The following GABRG2 variants were observed in gnomAD, a reference collection of about 807,000 sequenced individuals.
The protein encoded by GABRG2 is gamma-aminobutyric acid type A receptor subunit gamma2, also known as gamma-aminobutyric acid receptor subunit gamma-2.
In GABRG2, 16 loss-of-function variants were observed where a neutral mutation model predicts 56.4. The ratio of observed to expected loss-of-function variants is 0.28; its 90% confidence interval spans 0.19 to 0.43. GABRG2 has a LOEUF of 0.43. GABRG2 is among the 20% of genes least tolerant of loss of function. The pLI is 1.00. For synonymous variants in GABRG2, 208 were observed against 205.5 expected (o/e 1.01, Z -0.10); for missense variants, 327 against 582.7 (o/e 0.56, Z 4.52).
intron 6 of GABRG2, among the ~76,000 whole-genome samples, chr5:162,116,927 G>A (rs1762663110): frequency 6.6e-6 from 1 of 152,098 alleles, no homozygotes; most frequent in African/African-American, 2.4e-5. Context: ...GTTTCTGTTG[G>A]TTTTCAGATC....
intron 6 of GABRG2, among the ~76,000 whole-genome samples, chr5:162,105,683 G>T (rs576453800): frequency 1.4e-3 from 213 of 151,986 alleles, no homozygotes; most frequent in Middle Eastern, 3.4e-3. Flanking sequence ...GCCTGCCTCA[G>T]CCTCTCAAAC....
intron 6 of GABRG2, among the ~76,000 whole-genome samples, 200 bp from the exon 7 acceptor site, chr5:162,141,964 T>C (rs1282192660): frequency 1.3e-5 from 2 of 152,162 alleles, no homozygotes; most frequent in Non-Finnish European, 2.9e-5. Flanking sequence ...GACAAATTGC[T>C]CTAAAAGAGT....
At chr5:162,101,207 A>G in intron 4 of GABRG2, 28 bp from the exon 5 acceptor site, 1 of 1,428,754 alleles carries the variant, frequency 7.0e-7, no homozygotes, top group Non-Finnish European at 9.9e-7. Context: ...TCTAAAATCC[A>G]TCTTATGTTT....
At position 162,115,486 on chromosome 5, in the gene GABRG2, T is replaced by C. The variant is rs552220445; in HGVS notation, c.769+11460T>C. 2.0e-5 allele frequency among the ~76,000 whole-genome samples: 3 copies of C among 152,196 alleles called. No individual in the cohort carries two copies. In the East Asian group the frequency reaches 5.8e-4, roughly 30 times the overall value. ...TAGGTGAGGGAAGGGGACCAGGGTG[T>C]TGCCATAGAGATGGTTGATAAGTTA... On this transcript the variant is annotated intron_variant, in intron 6 of 9. Transcript: ENST00000639213.
At chr5:162,106,600 G>C (rs968057183) in intron 6 of GABRG2, among the ~76,000 whole-genome samples, 2 of 152,146 alleles carry the variant, frequency 1.3e-5, no homozygotes, top group African/African-American at 4.8e-5. Flanking sequence ...ATTATCAGGA[G>C]ATCAATCTTA....
chr5:162,087,837 A>G (rs1209850921), intron 1 of GABRG2, among the ~76,000 whole-genome samples: 1 of 152,140 alleles, frequency 6.6e-6, no homozygotes, highest in Non-Finnish European at 1.5e-5. Flanking sequence ...CTGTTAATAA[A>G]GTAAACAATT....
At chr5:162,071,135 A>G (rs1356116085) in intron 1 of GABRG2, among the ~76,000 whole-genome samples, 2 of 151,592 alleles carry the variant, frequency 1.3e-5, no homozygotes, top group African/African-American at 4.8e-5. Context: ...TAAAACATAT[A>G]TACATATATA....
chr5:162,076,417 T>G (rs1581298953), intron 1 of GABRG2, among the ~76,000 whole-genome samples: 1 of 152,214 alleles, frequency 6.6e-6, no homozygotes, highest in African/African-American at 2.4e-5. Context: ...TTCAGTTTCT[T>G]GCTTTGACTT....
intron 7 of GABRG2, among the ~76,000 whole-genome samples, chr5:162,143,888 A>T (rs890292713): frequency 1.3e-5 from 2 of 152,204 alleles, no homozygotes; most frequent in Non-Finnish European, 2.9e-5. Context: ...AGCTGAGGGC[A>T]GAAGTGATTA....
intron 6 of GABRG2, among the ~76,000 whole-genome samples, chr5:162,119,866 A>G (rs1304529757): frequency 6.6e-6 from 1 of 152,096 alleles, no homozygotes; most frequent in Admixed American, 6.6e-5. Flanking sequence ...AGGTATTGGT[A>G]TAGTCATAAT....
At chr5:162,149,048 A>T (rs777083068) in intron 7 of GABRG2, 60 bp from the exon 8 acceptor site, 19 of 1,481,634 alleles carry the variant, frequency 1.3e-5, no homozygotes, top group Non-Finnish European at 1.8e-5. Flanking sequence ...CTCACGAGTG[A>T]CTCAGTTACC....
rs1390117240 is a variant in GABRG2, at chr5:162,149,177, A to G, written c.992A>G (p.Tyr331Cys). The G allele has an allele frequency of 6.2e-7, 1 of 1,614,082 alleles. No individual in the cohort carries two copies. The highest frequency in any genetic ancestry group is 2.2e-5 in the East Asian group (1 of 44,860). Reference protein sequence around the residue: ...IARKSLPKVSYVTAMDLFVSV... With the variant: ...IARKSLPKVSCVTAMDLFVSV... ...CGGAAATCGCTCCCCAAGGTCTCCT[A>G]TGTCACAGCGATGGATCTCTTTGTA... Residue 331 changes from tyrosine to cysteine, a missense_variant, in exon 8 of 10, where the codon TAT (tyrosine) becomes TGT (cysteine). Around this residue, in one of 4 missense-constraint regions of GABRG2, gnomAD observed 42 missense variants for 156.9 expected, o/e 0.27. Transcript: ENST00000639213.
At chr5:162,082,368 G>T (rs1326876446) in intron 1 of GABRG2, among the ~76,000 whole-genome samples, 1 of 151,732 alleles carries the variant, frequency 6.6e-6, no homozygotes, top group Non-Finnish European at 1.5e-5. Context: ...CTTATTGTGT[G>T]TTGAAAGATC....
intron 6 of GABRG2, among the ~76,000 whole-genome samples, chr5:162,130,471 A>G (rs76051706): frequency 0.11 from 16,651 of 151,900 alleles, 980 homozygotes; most frequent in Non-Finnish European, 0.14. Flanking sequence ...CCTTTTCTTT[A>G]AGAAAATGTC....
chr5:162,119,954 C>G (rs1015879126), intron 6 of GABRG2, among the ~76,000 whole-genome samples: 3 of 152,080 alleles, frequency 2.0e-5, no homozygotes, highest in Admixed American at 6.6e-5. Context: ...CTTCCACCCA[C>G]TCCTCTTCCT....
At chr5:162,124,938 G>C (rs539056159) in intron 6 of GABRG2, among the ~76,000 whole-genome samples, 56 of 148,222 alleles carry the variant, frequency 3.8e-4, no homozygotes, top group African/African-American at 1.4e-3. Context: ...AGTTTTTGCT[G>C]TTCTTTCTGG....
intron 6 of GABRG2, among the ~76,000 whole-genome samples, chr5:162,104,227 T>C (rs921304577): frequency 2.6e-5 from 4 of 152,088 alleles, no homozygotes; most frequent in Admixed American, 2.6e-4. Context: ...TATGGGAAAA[T>C]TGGATTCAAA....
chr5:162,079,234 T>C (rs1288282928), intron 1 of GABRG2, among the ~76,000 whole-genome samples: 1 of 152,118 alleles, frequency 6.6e-6, no homozygotes, highest in East Asian at 1.9e-4. Context: ...ATTTCTCTGA[T>C]GACCAAGCAT....
At chr5:162,106,220 G>A (rs1274602225) in intron 6 of GABRG2, among the ~76,000 whole-genome samples, 1 of 152,158 alleles carries the variant, frequency 6.6e-6, no homozygotes, top group Non-Finnish European at 1.5e-5. Context: ...GGAAATCACA[G>A]CAAAACAGTA....
Sources: gnomAD v4.1 joint callset for allele counts (sites outside exome capture counted in the v4.1 genomes callset) on GRCh38, gnomAD v4.1.1 for gene constraint, gnomAD v4.1.1 regional missense constraint, MANE v1.5 for transcripts, NCBI Gene and HGNC (gene_info 2026-07-23, HGNC 2026-07-21) for gene names.